Variants in COL4A1 observed in about 807,000 individuals in gnomAD.
The protein encoded by COL4A1 is collagen type IV alpha 1 chain.
A neutral mutation model predicts 216.6 loss-of-function variants in COL4A1; 40 were observed. The ratio of observed to expected loss-of-function variants is 0.18; its 90% CI spans 0.14 to 0.24. The LOEUF (loss-of-function observed/expected upper bound fraction) is 0.24. Among genes scored for constraint, COL4A1 ranks in the 10% least tolerant of loss-of-function variants. COL4A1 has a pLI of 1.00. For missense variants in COL4A1, 1,628 were observed against 2,196.8 expected, an observed-to-expected ratio of 0.74 and a Z score of 5.18; for synonymous variants, 839 against 810.7, an observed-to-expected ratio of 1.03 and a Z score of -0.59.
chr13:110,220,066 T>C (rs963458216), intron 2 of COL4A1, among the ~76,000 whole-genome samples: 2 of 143,566 alleles, frequency 1.4e-5, no homozygotes, highest in Non-Finnish European at 3.1e-5. Flanking sequence ...GCCTCCGCAG[T>C]AGCTGGGATT....
At chr13:110,174,302 A>T in intron 39 of COL4A1, 144 bp downstream of exon 39, 1 of 865,850 alleles carries the variant, frequency 1.2e-6, no homozygotes, top group Non-Finnish European at 1.9e-6. Flanking sequence ...AACCTGCACT[A>T]GACTCAGTTT....
intron 2 of COL4A1, among the ~76,000 whole-genome samples, chr13:110,221,797 A>G (rs1209215957): frequency 6.6e-6 from 1 of 152,100 alleles, no homozygotes; most frequent in Non-Finnish European, 1.5e-5. Context: ...GAACCATTTT[A>G]AGTCAGTCCC....
intron 1 of COL4A1, among the ~76,000 whole-genome samples, chr13:110,273,270 G>A (rs187879383): frequency 5.3e-5 from 8 of 152,318 alleles, no homozygotes; most frequent in Admixed American, 1.3e-4. Flanking sequence ...CCCTGCTAAC[G>A]CGGGATGTAT....
intron 8 of COL4A1, 85 bp from the exon 9 acceptor site, chr13:110,210,297 A>G (rs939832818): frequency 6.8e-6 from 9 of 1,316,410 alleles, no homozygotes; most frequent in South Asian, 1.2e-5. Flanking sequence ...GTTGGCATAT[A>G]TTAGTGTTAC....
At chr13:110,248,232 G>T (rs1017400361) in intron 1 of COL4A1, among the ~76,000 whole-genome samples, 1 of 152,170 alleles carries the variant, frequency 6.6e-6, no homozygotes, top group Non-Finnish European at 1.5e-5. Flanking sequence ...AGCGTATGGA[G>T]GCAAGAGACT....
At position 110,192,690 on chromosome 13, in the gene COL4A1, G is replaced by A. The variant is rs554434652; in HGVS notation, c.1465+140C>T. ...GCAATGTGGACAAATCCTGGAAGTG[G>A]GGCCCAACATTCTTCTGATTATGCT... On this transcript the variant is annotated intron_variant, in intron 23 of 51. Coordinates refer to ENST00000375820, the MANE Select transcript of COL4A1 (RefSeq NM_001845.6). 36 of 672,138 alleles carry A rather than the reference G, an allele frequency of 5.4e-5. No individual in the cohort carries two copies. In the South Asian group the frequency reaches 6.1e-4, roughly 11 times the overall value. 41.6% of individuals were successfully genotyped at this position (672,138 alleles called of 1,614,324 possible).
At position 110,307,085 on chromosome 13, in the gene COL4A1, C is replaced by T. The variant is rs1444448039; in HGVS notation, c.-58G>A. ...CCCGGCGTGCGGGGGCCGCGGCGGA[C>T]AGCTAGCTCTCGGAAGGCCGGACTT... On this transcript the variant is annotated 5_prime_UTR_variant, in exon 1 of 52. Transcript: ENST00000375820. The surrounding 1 kb of genome is among the most constrained non-coding windows in gnomAD (Gnocchi z 5.0). The T allele has an allele frequency of 3.7e-6, 5 of 1,338,898 alleles. No homozygotes were observed. Among genetic ancestry groups the T allele is most frequent in the Non-Finnish European group, 4.9e-6 (5 of 1,028,222 alleles). The allele number at this position is 1,338,898 out of a possible 1,614,324, so 82.9% of individuals were successfully genotyped here. A position where few individuals can be genotyped will look rare whatever the true frequency, so the allele number is the denominator to read the frequency against.
intron 26 of COL4A1, 135 bp from the exon 27 acceptor site, chr13:110,183,411 C>T: frequency 1.2e-6 from 1 of 800,704 alleles, no homozygotes; most frequent in Non-Finnish European, 2.1e-6. Context: ...GAGCCTCTGC[C>T]TGTGTTCTCC....
intron 2 of COL4A1, among the ~76,000 whole-genome samples, chr13:110,224,731 C>T (rs974679660): frequency 5.3e-5 from 8 of 152,128 alleles, no homozygotes; most frequent in Non-Finnish European, 7.3e-5. Context: ...TTGAAAAATG[C>T]CAATTAGTGC....
chr13:110,291,897 G>A (rs1196047713), intron 1 of COL4A1, among the ~76,000 whole-genome samples: 4 of 152,198 alleles, frequency 2.6e-5, no homozygotes, highest in African/African-American at 9.7e-5. Flanking sequence ...ACTGAGCATA[G>A]ATTCTACATG....
chr13:110,236,494 C>T (rs1163464150), intron 2 of COL4A1, among the ~76,000 whole-genome samples: 2 of 152,190 alleles, frequency 1.3e-5, no homozygotes, highest in Non-Finnish European at 2.9e-5. Context: ...CCCTCTCCAG[C>T]TCTAAGTAGC....
Position 110,170,456 on chromosome 13 carries a change from C to G in COL4A1, c.3742+91G>C, listed in dbSNP as rs924509252. ...CTGCAGACTTCTAAATAAAAAAGCCCAATTGAGAATTTAACTATTTCTTTT... is the reference window on the plus strand; with the variant it reads ...CTGCAGACTTCTAAATAAAAAAGCCGAATTGAGAATTTAACTATTTCTTTT... On this transcript the variant is annotated intron_variant, in intron 42 of 51. Coordinates refer to ENST00000375820, the MANE Select transcript of COL4A1 (RefSeq NM_001845.6). 6 of 1,378,420 alleles carry G rather than the reference C, an allele frequency of 4.4e-6. No individual in the cohort carries two copies. In the African/African-American group the frequency reaches 8.6e-5, roughly 20 times the overall value. 85.4% of individuals were successfully genotyped at this position (1,378,420 alleles called of 1,614,324 possible).
chr13:110,286,972 C>T (rs1883867616), intron 1 of COL4A1, among the ~76,000 whole-genome samples: 1 of 152,230 alleles, frequency 6.6e-6, no homozygotes. Context: ...TTGGAAACGA[C>T]ACAAAACTCC....
intron 2 of COL4A1, among the ~76,000 whole-genome samples, chr13:110,222,677 G>A (rs1226206985): frequency 7.0e-6 from 1 of 142,182 alleles, no homozygotes; most frequent in East Asian, 2.1e-4. Context: ...GGAGGCTGAG[G>A]CAAGAGAATG....
At chr13:110,265,886 G>A (rs1197592240) in intron 1 of COL4A1, 1 of 152,102 alleles carries the variant, frequency 6.6e-6, no homozygotes, top group Non-Finnish European at 1.5e-5. Context: ...TAGACTCTAA[G>A]AGCCCGCGGG....
chr13:110,297,976 G>A (rs1434368390), intron 1 of COL4A1, among the ~76,000 whole-genome samples: 2 of 150,274 alleles, frequency 1.3e-5, no homozygotes, highest in Admixed American at 6.6e-5. Flanking sequence ...TTGGCTTCTC[G>A]CCTAGGACAA....
chr13:110,211,952 G>C lies in COL4A1; in HGVS notation c.388-30C>G, dbSNP rs377130144. On this transcript the variant is annotated intron_variant, in intron 6 of 51. Transcript: ENST00000375820. This position sits in a 1 kb window ranked among gnomAD's most constrained non-coding sequence, Gnocchi z 4.3. ...GGAGACAGCAGAGCATCATTCATAC[G>C]CACTGTGTGTGGCAGACACATCAGC... The C allele has an allele frequency of 1.9e-5, 30 of 1,607,620 alleles. No homozygotes were observed. The highest frequency in any genetic ancestry group is 1.0e-4 in the Admixed American group (6 of 59,986).
intron 2 of COL4A1, among the ~76,000 whole-genome samples, chr13:110,237,355 C>CG (rs139696645): frequency 0.032 from 4,886 of 152,260 alleles, 110 homozygotes; most frequent in African/African-American, 0.057. Context: ...GTTAGTTCAG[C>CG]GGTATTCCAT....
intron 1 of COL4A1, among the ~76,000 whole-genome samples, chr13:110,259,223 T>G (rs1023555037): frequency 1.3e-5 from 2 of 152,252 alleles, no homozygotes; most frequent in African/African-American, 4.8e-5. Context: ...CATTTCCTCC[T>G]CTTCCGTCTA....
Sources: gnomAD v4.1 joint callset for allele counts (sites outside exome capture counted in the v4.1 genomes callset) on GRCh38, gnomAD v4.1.1 for gene constraint, Gnocchi (gnomAD v3.1) non-coding constraint, MANE v1.5 for transcripts, NCBI Gene and HGNC (gene_info 2026-07-23, HGNC 2026-07-21) for gene names.